The following RIN2 variants were observed in gnomAD, a reference collection of about 807,000 sequenced individuals.
The protein encoded by RIN2 is RAB5 interacting protein 2.
A neutral mutation model predicts 78.0 loss-of-function variants in RIN2; 36 were observed. That is an observed-to-expected ratio of 0.46 (90% confidence interval 0.35 to 0.61). The LOEUF is 0.61. Ranked by LOEUF, RIN2 falls within the 20% of genes least tolerant of loss-of-function variation. The pLI is 0.00. For missense variants in RIN2, 1,087 were observed against 1,159.7 expected (o/e 0.94, Z 0.91); for synonymous variants, 466 against 466.8 (o/e 1.00, Z 0.02).
At chr20:19,914,899 T>C (rs1237491978) in intron 3 of RIN2, among the ~76,000 whole-genome samples, 2 of 152,126 alleles carry the variant, frequency 1.3e-5, no homozygotes, top group East Asian at 3.9e-4. Context: ...GAGATGAGAC[T>C]AAGGTGGCAC....
Position 19,917,133 on chromosome 20 carries a change from G to A in RIN2, c.58-17966G>A, listed in dbSNP as rs139865569. On this transcript the variant is annotated intron_variant, in intron 3 of 12. Coordinates refer to ENST00000255006, the MANE Select transcript of RIN2 (RefSeq NM_018993.4). ...TTTAAAAAAAAAAAAGGCAGGCGGAGTGGGTAAGGTACGACTCCAAATGGC... is the reference window on the plus strand; with the variant it reads ...TTTAAAAAAAAAAAAGGCAGGCGGAATGGGTAAGGTACGACTCCAAATGGC... Among the ~76,000 whole-genome samples the A allele has an allele frequency of 5.4e-4, 81 of 151,384 alleles. 1 individual carries two copies. Among genetic ancestry groups the A allele is most frequent in the African/African-American group, 2.0e-3 (81 of 41,372 alleles).
At chr20:19,886,832 A>G in intron 2 of RIN2, 1 of 1,128,712 alleles carries the variant, frequency 8.9e-7, no homozygotes, top group East Asian at 2.6e-5. Flanking sequence ...TTTTAGGATG[A>G]AGCTGCTGGG....
At chr20:19,762,379 C>T (rs981242580) in intron 1 of RIN2, among the ~76,000 whole-genome samples, 4 of 152,154 alleles carry the variant, frequency 2.6e-5, no homozygotes, top group African/African-American at 7.2e-5. Flanking sequence ...GAGGAGCCTT[C>T]GGAAAGTGAT....
intron 4 of RIN2, among the ~76,000 whole-genome samples, chr20:19,946,973 G>A (rs1319421322): frequency 1.3e-5 from 2 of 148,892 alleles, no homozygotes; most frequent in African/African-American, 5.0e-5. Context: ...GGAGGTTGCA[G>A]TGAGCCGAGA....
At chr20:19,782,939 C>G (rs1341958604) in intron 1 of RIN2, among the ~76,000 whole-genome samples, 1 of 152,212 alleles carries the variant, frequency 6.6e-6, no homozygotes, top group South Asian at 2.1e-4. Context: ...ACAGGAGGAG[C>G]CTAGAATGCC....
intron 2 of RIN2, among the ~76,000 whole-genome samples, chr20:19,807,724 T>C (rs1299380801): frequency 6.6e-6 from 1 of 152,160 alleles, no homozygotes; most frequent in Non-Finnish European, 1.5e-5. Flanking sequence ...TTGTCAGTCA[T>C]ATTGATGTGT....
chr20:19,971,886 C>A (rs538226794), intron 8 of RIN2, among the ~76,000 whole-genome samples: 1 of 152,156 alleles, frequency 6.6e-6, no homozygotes, highest in Non-Finnish European at 1.5e-5. Context: ...GGGTCACAGG[C>A]ACTTGCCACC....
At chr20:19,765,645 T>C (rs892208275) in intron 1 of RIN2, among the ~76,000 whole-genome samples, 2 of 152,242 alleles carry the variant, frequency 1.3e-5, no homozygotes, top group African/African-American at 4.8e-5. Flanking sequence ...GGAAGACCCC[T>C]AATTCAAGTT....
chr20:19,953,780 G>C (rs986790684), intron 4 of RIN2, among the ~76,000 whole-genome samples: 1 of 152,158 alleles, frequency 6.6e-6, no homozygotes, highest in Non-Finnish European at 1.5e-5. Context: ...CTTGTCTAAA[G>C]CTGGCTCTTT....
chr20:19,852,190 C>A (rs1437624520), intron 2 of RIN2, among the ~76,000 whole-genome samples: 1 of 152,152 alleles, frequency 6.6e-6, no homozygotes, highest in Non-Finnish European at 1.5e-5. Context: ...TGCTCTGCCT[C>A]TACGTGGGGA....
Position 19,851,298 on chromosome 20 carries a change from A to G in RIN2, c.-36-38268A>G, listed in dbSNP as rs1052532564. On this transcript the variant is annotated intron_variant, in intron 2 of 12. Coordinates refer to ENST00000255006, the MANE Select transcript of RIN2 (RefSeq NM_018993.4). ...CACTAGGCCATAGAGGACTCAATCA[A>G]TAAGAAAGGAAGGATTTGCAGTGTC... 2.6e-5 allele frequency among the ~76,000 whole-genome samples: 4 copies of G among 152,084 alleles called. No individual in the cohort carries two copies. The East Asian group carries it at 7.7e-4, about 29-fold the overall frequency.
At chr20:19,782,873 C>T (rs1007326439) in intron 1 of RIN2, among the ~76,000 whole-genome samples, 2 of 152,232 alleles carry the variant, frequency 1.3e-5, no homozygotes, top group East Asian at 3.8e-4. Flanking sequence ...AGGTGTTTGA[C>T]GGTTTGACTG....
chr20:19,994,827 A>G (rs2146407981), intron 11 of RIN2, among the ~76,000 whole-genome samples: 1 of 152,322 alleles, frequency 6.6e-6, no homozygotes, highest in African/African-American at 2.4e-5. Flanking sequence ...GGTAAAGATC[A>G]ACAATTCAAA....
At position 19,824,029 on chromosome 20, in the gene RIN2, G is replaced by A. The variant is rs2036009085; in HGVS notation, c.-37+24282G>A. 16 of 807,652 alleles carry A rather than the reference G, an allele frequency of 2.0e-5. No individual in the cohort carries two copies. The South Asian group carries it at 2.5e-4, about 12-fold the overall frequency. 50.0% of individuals were successfully genotyped at this position (807,652 alleles called of 1,614,324 possible). On this transcript the variant is annotated intron_variant, in intron 2 of 12. Transcript: ENST00000255006. Reference sequence around the variant, plus strand: ...TGGCCTCCTCCGAGCCGAAAGCCGAGAGAGCTGCTCTGCCTGCTTCTATGG... The same window carrying A: ...TGGCCTCCTCCGAGCCGAAAGCCGAAAGAGCTGCTCTGCCTGCTTCTATGG...
chr20:19,963,671 T>G (rs1223371625), intron 6 of RIN2, among the ~76,000 whole-genome samples: 1 of 149,316 alleles, frequency 6.7e-6, no homozygotes, highest in Non-Finnish European at 1.5e-5. Flanking sequence ...AAGAAACACA[T>G]CGGATTGAGG....
chr20:19,940,449 C>T (rs1019688709), intron 4 of RIN2, among the ~76,000 whole-genome samples: 3 of 152,214 alleles, frequency 2.0e-5, no homozygotes, highest in Non-Finnish European at 4.4e-5. Context: ...GGCAGAGGCC[C>T]TTCCCCCAGT....
intron 2 of RIN2, among the ~76,000 whole-genome samples, chr20:19,862,826 G>T (rs2037386299): frequency 6.6e-6 from 1 of 152,196 alleles, no homozygotes; most frequent in African/African-American, 2.4e-5. Context: ...ACAGTCCCTA[G>T]AACTGAATCC....
intron 1 of RIN2, among the ~76,000 whole-genome samples, chr20:19,781,588 T>C (rs1208713196): frequency 6.6e-6 from 1 of 152,106 alleles, no homozygotes; most frequent in Non-Finnish European, 1.5e-5. Context: ...CCACCACAGC[T>C]GGCTAATTTT....
intron 4 of RIN2, among the ~76,000 whole-genome samples, chr20:19,956,080 C>A (rs199558): frequency 0.4 from 60,572 of 151,518 alleles, 12,546 homozygotes; most frequent in East Asian, 0.64. Flanking sequence ...AACATGGCGA[C>A]ACCCTATCTC....
Sources: gnomAD v4.1 joint callset for allele counts (sites outside exome capture counted in the v4.1 genomes callset) on GRCh38, gnomAD v4.1.1 for gene constraint, MANE v1.5 for transcripts, NCBI Gene and HGNC (gene_info 2026-07-23, HGNC 2026-07-21) for gene names.